IL17RA: variants seen among roughly 807,000 people sequenced by gnomAD.
The protein encoded by IL17RA is interleukin 17 receptor A.
IL17RA carries 34 observed loss-of-function variants against 50.4 expected under a neutral mutation model. The observed-to-expected ratio is 0.67, with a 90% confidence interval of 0.51 to 0.90. IL17RA has a LOEUF of 0.90. Among genes scored for constraint, IL17RA ranks in the 40% least tolerant of loss-of-function variants. IL17RA has a pLI of 0.00. For missense variants in IL17RA, 1,276 were observed against 1,169.8 expected, an observed-to-expected ratio of 1.09 and a Z score of -1.32; for synonymous variants, 585 against 510.4, an observed-to-expected ratio of 1.15 and a Z score of -1.97.
intron 7 of IL17RA, 75 bp downstream of exon 7, chr22:17,102,377 G>A (rs2061395119): frequency 6.5e-7 from 1 of 1,536,230 alleles, no homozygotes; most frequent in African/African-American, 1.4e-5. Context: ...TTCTCTGCTG[G>A]TCTGACAGAA....
rs759829834 is a variant in IL17RA at position 17,108,884 on chromosome 22, G to A, written c.1665G>A (p.Gly555=). The part of the protein sequence containing the change: ...GRMHRVGELS[G]DNYLRSPGGR... ...TGCACCGCGTAGGGGAGCTGTCGGGGGACAACTACCTGCGGAGCCCGGGCG... is the reference window on the plus strand; with the variant it reads ...TGCACCGCGTAGGGGAGCTGTCGGGAGACAACTACCTGCGGAGCCCGGGCG... The change falls in exon 13 of 13, where the codon GGG becomes GGA. Residue 555 remains glycine (G), a synonymous_variant. Transcript: ENST00000319363. 6.2e-7 allele frequency: 1 copy of A among 1,610,946 alleles called. No individual in the cohort carries two copies. The highest frequency in any genetic ancestry group is 1.1e-5 in the South Asian group (1 of 90,716).
In IL17RA at chr22:17,097,778, G is replaced by C; in HGVS notation, c.164-19G>C. 1 of 1,613,976 alleles carries C rather than the reference G, an allele frequency of 6.2e-7. No individual in the cohort carries two copies. Among genetic ancestry groups the C allele is most frequent in the African/African-American group, 1.3e-5 (1 of 75,060 alleles). On this transcript the variant is annotated intron_variant, in intron 2 of 12. Coordinates refer to ENST00000319363, the MANE Select transcript of IL17RA (RefSeq NM_014339.7). ...TCTCGGCTATAAGTCTCTGAATGTT[G>C]CTTTTCCCTGGCTGCCAGGTACCTG...
rs1253556280 is a variant in IL17RA at position 17,088,128 on chromosome 22, C to T, written c.138+2899C>T. Among the ~76,000 whole-genome samples, 8 of 152,222 alleles carry T rather than the reference C, an allele frequency of 5.3e-5. 1 individual carries two copies. In the South Asian group the frequency reaches 1.7e-3, roughly 32 times the overall value. Reference sequence around the variant, plus strand: ...AGAGGCTGGGTTATTGGCCCAAGGTCGCACAGCTAATGAGTGCTAAGGTGA... The same window carrying T: ...AGAGGCTGGGTTATTGGCCCAAGGTTGCACAGCTAATGAGTGCTAAGGTGA... On this transcript the variant is annotated intron_variant, in intron 1 of 12. Transcript: ENST00000319363.
Position 17,108,847 on chromosome 22 carries a change from A to G in IL17RA, c.1628A>G (p.Gln543Arg). 1 of 1,608,174 alleles carries G rather than the reference A, an allele frequency of 6.2e-7. No homozygotes were observed. Among genetic ancestry groups the G allele is most frequent in the East Asian group, 2.2e-5 (1 of 44,646 alleles). ...YFRIQDLEMF[Q>R]PGRMHRVGEL... is the part of the protein sequence containing the mutation. ...CGCATCCAGGACCTGGAGATGTTCC[A>G]GCCGGGCCGCATGCACCGCGTAGGG... Residue 543 changes from glutamine (Q) to arginine (R), a missense_variant, in exon 13 of 13, where the codon CAG (glutamine) becomes CGG (arginine). Coordinates refer to ENST00000319363, the MANE Select transcript of IL17RA (RefSeq NM_014339.7).
At chr22:17,100,241 GTTC>G (rs1381506024) in intron 4 of IL17RA, 111 bp from the exon 5 acceptor site, 3 of 1,312,594 alleles carry the variant, frequency 2.3e-6, no homozygotes, top group Non-Finnish European at 3.3e-6. Flanking sequence ...TTGTTGCTTT[GTTC>G]TTATTTTTGG....
intron 1 of IL17RA, among the ~76,000 whole-genome samples, chr22:17,089,394 T>A (rs570822238): frequency 5.9e-5 from 9 of 152,306 alleles, no homozygotes; most frequent in Non-Finnish European, 1.2e-4. Context: ...CTCATAGGAT[T>A]GTTGTCAAGA....
chr22:17,108,471 C>T lies in IL17RA; in HGVS notation c.1252C>T (p.Gln418Ter). ...TEVALDLLEE[Q>*]AISEAGVMTW... ...AGTGGCCCTGGACCTGCTGGAAGAG[C>T]AGGCCATCTCGGAGGCAGGAGTCAT... Residue 418 changes from glutamine to a stop codon, truncating the protein, a stop_gained, in exon 13 of 13, where the codon CAG (glutamine) becomes TAG (stop). Coordinates refer to ENST00000319363, the MANE Select transcript of IL17RA (RefSeq NM_014339.7). LOFTEE classifies it low-confidence loss of function (END_TRUNC). 2 of 1,613,664 alleles carry T rather than the reference C, an allele frequency of 1.2e-6. No homozygotes were observed. The highest frequency in any genetic ancestry group is 1.3e-5 in the African/African-American group (1 of 75,070).
rs758036262 is a variant in IL17RA, at chr22:17,109,831, C to T, written c.*11C>T. On this transcript the variant is annotated 3_prime_UTR_variant, in exon 13 of 13. Transcript: ENST00000319363. ...GGGCCCAGTGCATGAGGGCGGCTCC[C>T]CAGGGACCGCCCAGATCCCAGCTTT... 2 of 1,547,816 alleles carry T rather than the reference C, an allele frequency of 1.3e-6. No homozygotes were observed. Among genetic ancestry groups the T allele is most frequent in the East Asian group, 2.4e-5 (1 of 40,912 alleles).
At chr22:17,101,882 C>A in intron 5 of IL17RA, 114 bp from the exon 6 acceptor site, 1 of 1,337,540 alleles carries the variant, frequency 7.5e-7, no homozygotes, top group Non-Finnish European at 1.1e-6. Flanking sequence ...GAAGGGGCCA[C>A]CTGCGGACAG....
intron 1 of IL17RA, among the ~76,000 whole-genome samples, chr22:17,088,067 A>G (rs2061334546): frequency 6.6e-6 from 1 of 152,112 alleles, no homozygotes; most frequent in Admixed American, 6.5e-5. Flanking sequence ...ATACTCAACG[A>G]CAGCTTACAA....
At chr22:17,105,675 C>G in intron 10 of IL17RA, 73 bp downstream of exon 10, 3 of 1,563,004 alleles carry the variant, frequency 1.9e-6, no homozygotes, top group Non-Finnish European at 2.6e-6. Context: ...TGAGAAGTCC[C>G]TGCCTCAGCC....
intron 1 of IL17RA, among the ~76,000 whole-genome samples, chr22:17,094,685 C>CTATA (rs1440120986): frequency 6.8e-4 from 31 of 45,800 alleles, no homozygotes; most frequent in East Asian, 4.7e-3. Context: ...CTCTCTCTCT[C>CTATA]TCTCTCTATA....
chr22:17,094,713 A>ATATATATATATG (rs2061362851), intron 1 of IL17RA, among the ~76,000 whole-genome samples: 1 of 104,506 alleles, frequency 9.6e-6, no homozygotes, highest in Non-Finnish European at 1.8e-5. Context: ...ATATATATAT[A>ATATATATATATG]TATATTCAGG....
chr22:17,111,189 AG>A lies in IL17RA; in HGVS notation c.*1372del, dbSNP rs1343928628. On this transcript the variant is annotated 3_prime_UTR_variant, in exon 13 of 13. Transcript: ENST00000319363. ...TGAGCCTCTGCATGGAGAGAGGCTGAGGGCTAAACACAGCTGGATGTCACCT... is the reference window on the plus strand; with the variant it reads ...TGAGCCTCTGCATGGAGAGAGGCTGAGGCTAAACACAGCTGGATGTCACCT... The A allele has an allele frequency of 4.6e-5, 7 of 152,272 alleles. No individual in the cohort carries two copies. The highest frequency in any genetic ancestry group is 8.8e-5 in the Non-Finnish European group (6 of 68,100). The allele number at this position is 152,272 out of a possible 1,614,324, so 9.4% of individuals were successfully genotyped here. A position where few individuals can be genotyped will look rare whatever the true frequency, so the allele number is the denominator to read the frequency against.
At chr22:17,103,706 G>A in intron 8 of IL17RA, 129 bp downstream of exon 8, 1 of 763,922 alleles carries the variant, frequency 1.3e-6, no homozygotes, top group Admixed American at 2.0e-5. Context: ...CAGGTGGAGA[G>A]AGTGGTGTGG....
chr22:17,098,960 G>T, intron 4 of IL17RA, 73 bp downstream of exon 4: 6 of 1,270,228 alleles, frequency 4.7e-6, no homozygotes, highest in Non-Finnish European at 5.8e-6. Flanking sequence ...CCCAAATTCA[G>T]ACCCTGATTT....
chr22:17,085,211 G>C lies in IL17RA; in HGVS notation c.120G>C (p.Ala40=), dbSNP rs1476573681. The part of the protein sequence containing the change: ...GASLRLLDHR[A]LVCSQPGLNC... ...CCCTGCGACTCCTGGACCACCGGGC[G>C]CTGGTCTGCTCCCAGCCGGTGAGAC... Residue 40 remains alanine (A), a synonymous_variant, in exon 1 of 13, where the codon GCG becomes GCC. Coordinates refer to ENST00000319363, the MANE Select transcript of IL17RA (RefSeq NM_014339.7). The C allele has an allele frequency of 1.3e-6, 2 of 1,534,876 alleles. No homozygotes were observed. Among genetic ancestry groups the C allele is most frequent in the Middle Eastern group, 2.0e-4 (1 of 5,064 alleles).
At chr22:17,096,946 G>T in intron 1 of IL17RA, 116 bp from the exon 2 acceptor site, 1 of 903,842 alleles carries the variant, frequency 1.1e-6, no homozygotes. Context: ...CAAAAAGTGA[G>T]AAGGGCAGGC....
At position 17,110,270 on chromosome 22, in the gene IL17RA, G is replaced by A; in HGVS notation, c.*450G>A. The A allele has an allele frequency of 4.0e-6, 1 of 250,726 alleles. No individual in the cohort carries two copies. The highest frequency in any genetic ancestry group is 4.2e-5 in the South Asian group (1 of 24,020). 15.5% of individuals were successfully genotyped at this position (250,726 alleles called of 1,614,324 possible). Reference sequence around the variant, plus strand: ...CCCAGCACACTGGGAGGCCGAGGCAGGTGGATCACTCTGAGGTCAGGAGTT... The same window carrying A: ...CCCAGCACACTGGGAGGCCGAGGCAAGTGGATCACTCTGAGGTCAGGAGTT... On this transcript the variant is annotated 3_prime_UTR_variant, in exon 13 of 13. Coordinates refer to ENST00000319363, the MANE Select transcript of IL17RA (RefSeq NM_014339.7).
Sources: gnomAD v4.1 joint callset for allele counts (sites outside exome capture counted in the v4.1 genomes callset) on GRCh38, gnomAD v4.1.1 for gene constraint, MANE v1.5 for transcripts, NCBI Gene and HGNC (gene_info 2026-07-23, HGNC 2026-07-21) for gene names.